The following EFCAB14 variants were observed in gnomAD, a reference collection of about 807,000 sequenced individuals.
EFCAB14 encodes the protein EF-hand calcium-binding domain-containing protein 14.
In EFCAB14, 43 loss-of-function variants were observed where a neutral mutation model predicts 56.5. That is an observed-to-expected ratio of 0.76 (90% CI 0.60 to 0.98). The LOEUF is 0.98. Ranked by LOEUF, EFCAB14 falls within the 50% of genes least tolerant of loss-of-function variation. The pLI is 0.00. For synonymous variants in EFCAB14, 235 were observed against 212.9 expected (o/e 1.10, Z -0.90); for missense variants, 538 against 580.3 (o/e 0.93, Z 0.75).
At chr1:46,712,323 C>T (rs558704988) in intron 2 of EFCAB14, among the ~76,000 whole-genome samples, 125 of 152,268 alleles carry the variant, frequency 8.2e-4, no homozygotes, top group African/African-American at 2.9e-3. Flanking sequence ...TTACTCAAGT[C>T]TTTCATAGTG....
At chr1:46,708,494 C>A (rs1306312725) in intron 2 of EFCAB14, among the ~76,000 whole-genome samples, 1 of 152,178 alleles carries the variant, frequency 6.6e-6, no homozygotes, top group Admixed American at 6.5e-5. Context: ...TACTGACCAG[C>A]TCAATTAAGG....
intron 8 of EFCAB14, among the ~76,000 whole-genome samples, chr1:46,685,645 A>C (rs1293350130): frequency 6.6e-6 from 1 of 152,236 alleles, no homozygotes; most frequent in Non-Finnish European, 1.5e-5. Context: ...TAAAAACAAA[A>C]AAGGCCTGAA....
At chr1:46,688,324 C>T in intron 7 of EFCAB14, 29 bp downstream of exon 7, 1 of 1,603,348 alleles carries the variant, frequency 6.2e-7, no homozygotes, top group Non-Finnish European at 8.5e-7. Context: ...AAACACACTG[C>T]ATGTCACAAA....
chr1:46,693,365 A>G (rs1677028814), intron 4 of EFCAB14, among the ~76,000 whole-genome samples: 1 of 152,224 alleles, frequency 6.6e-6, no homozygotes, highest in African/African-American at 2.4e-5. Context: ...AGAGAACACG[A>G]GATGACACTA....
chr1:46,697,881 T>G (rs939934573), intron 3 of EFCAB14, among the ~76,000 whole-genome samples: 6 of 149,968 alleles, frequency 4.0e-5, no homozygotes, highest in African/African-American at 1.2e-4. Context: ...TGAGACAGTC[T>G]TGCTCTGTTG....
intron 3 of EFCAB14, among the ~76,000 whole-genome samples, chr1:46,697,121 A>T (rs1677086859): frequency 6.6e-6 from 1 of 152,234 alleles, no homozygotes; most frequent in Admixed American, 6.5e-5. Context: ...CACAAAATAC[A>T]GTCTACAGGA....
At position 46,718,324 on chromosome 1, in the gene EFCAB14, C is replaced by G; in HGVS notation, c.-237G>C. 1 of 480,218 alleles carries G rather than the reference C, an allele frequency of 2.1e-6. No individual in the cohort carries two copies. The highest frequency in any genetic ancestry group is 3.3e-5 in the Admixed American group (1 of 30,398). 29.7% of individuals were successfully genotyped at this position (480,218 alleles called of 1,614,324 possible). A position where few individuals can be genotyped will look rare whatever the true frequency, so the allele number is the denominator to read the frequency against. On this transcript the variant is annotated 5_prime_UTR_variant, in exon 1 of 11. Transcript: ENST00000371933. ...AAATCACATAGAAATGGCCAAGGAG[C>G]TGGTGACCCCAAAGGATAAGGCCTT... is the stretch of plus-strand genomic sequence containing the variant.
chr1:46,717,384 C>T (rs1677412719), intron 1 of EFCAB14, among the ~76,000 whole-genome samples: 2 of 152,166 alleles, frequency 1.3e-5, no homozygotes. Context: ...GGTCTCTCCA[C>T]CTATGAATGG....
chr1:46,716,051 C>G (rs192009442), intron 2 of EFCAB14, among the ~76,000 whole-genome samples: 1 of 151,678 alleles, frequency 6.6e-6, no homozygotes, highest in Non-Finnish European at 1.5e-5. Context: ...AGTTTGAGAC[C>G]AGCCTGGCCA....
At chr1:46,702,616 T>C (rs1677175447) in intron 3 of EFCAB14, among the ~76,000 whole-genome samples, 2 of 152,222 alleles carry the variant, frequency 1.3e-5, no homozygotes, top group Admixed American at 1.3e-4. Flanking sequence ...ACATGTGCAG[T>C]GCACCTAATA....
chr1:46,698,560 CTG>C (rs990314053), intron 3 of EFCAB14, among the ~76,000 whole-genome samples: 8 of 152,142 alleles, frequency 5.3e-5, no homozygotes, highest in Non-Finnish European at 1.2e-4. Context: ...AAAATTTAAA[CTG>C]AGATCTGAAT....
At chr1:46,712,693 A>T (rs1268539404) in intron 2 of EFCAB14, among the ~76,000 whole-genome samples, 1 of 152,112 alleles carries the variant, frequency 6.6e-6, no homozygotes, top group East Asian at 1.9e-4. Flanking sequence ...TTGAAAAACA[A>T]GAAAAAAAAA....
intron 2 of EFCAB14, among the ~76,000 whole-genome samples, chr1:46,715,779 T>G (rs1010785750): frequency 2.6e-5 from 4 of 152,114 alleles, no homozygotes; most frequent in African/African-American, 9.7e-5. Context: ...CACTGCCTTT[T>G]ATTTGTGAGT....
At chr1:46,704,672 C>A (rs1677210290) in intron 3 of EFCAB14, among the ~76,000 whole-genome samples, 1 of 152,002 alleles carries the variant, frequency 6.6e-6, no homozygotes, top group Admixed American at 6.6e-5. Flanking sequence ...GTTATAGCAG[C>A]CCGAATGGAT....
At position 46,708,045 on chromosome 1, in the gene EFCAB14, G is replaced by A; in HGVS notation, c.341C>T (p.Ser114Phe). ...ALKEKFRTME[S>F]NQKSSFQEIP... ...TTCTTGGAATGAGCTTTTCTGATTA[G>A]ATTCCACTAAAAAGACAAAATAAGA... Residue 114 changes from serine to phenylalanine, a missense_variant, in exon 3 of 11, where the codon TCT (serine) becomes TTT (phenylalanine). Ser to Phe is a radical substitution (Grantham distance 155). Transcript: ENST00000371933. 6.2e-7 allele frequency: 1 copy of A among 1,610,606 alleles called. No homozygotes were observed. Among genetic ancestry groups the A allele is most frequent in the Admixed American group, 1.7e-5 (1 of 59,774 alleles).
rs752596012 is a variant in EFCAB14 at position 46,708,024 on chromosome 1, T to C, written c.362A>G (p.Gln121Arg). ...TTCTTCATTAAGTTTGGGGATTTCT[T>C]GGAATGAGCTTTTCTGATTAGATTC... ...TMESNQKSSFQEIPKLNEELL... is the reference protein window; with the variant it reads ...TMESNQKSSFREIPKLNEELL... The change falls in exon 3 of 11, where the codon CAA becomes CGA. Residue 121 changes from glutamine to arginine, a missense_variant. Physicochemically the swap from Gln to Arg is conservative, Grantham distance 43. Transcript: ENST00000371933. The C allele has an allele frequency of 1.9e-6, 3 of 1,612,432 alleles. No individual in the cohort carries two copies. Among genetic ancestry groups the C allele is most frequent in the Non-Finnish European group, 2.5e-6 (3 of 1,179,646 alleles).
chr1:46,678,705 C>A, intron 10 of EFCAB14, 69 bp from the exon 11 acceptor site: 3 of 1,375,928 alleles, frequency 2.2e-6, no homozygotes, highest in Non-Finnish European at 2.9e-6. Context: ...AAAGTAGTCT[C>A]AACTGAATTT....
intron 9 of EFCAB14, among the ~76,000 whole-genome samples, 174 bp from the exon 10 acceptor site, chr1:46,683,599 G>A (rs975031715): frequency 9.9e-5 from 15 of 152,212 alleles, no homozygotes; most frequent in African/African-American, 3.6e-4. Context: ...AGACATATTT[G>A]TGGGCAAGGG....
In EFCAB14 at chr1:46,696,715, C is replaced by T; in HGVS notation, c.481-66G>A. 3.4e-6 allele frequency: 5 copies of T among 1,457,350 alleles called. No homozygotes were observed. In the South Asian group the frequency reaches 4.6e-5, roughly 13 times the overall value. 90.3% of individuals were successfully genotyped at this position (1,457,350 alleles called of 1,614,324 possible). Reference sequence around the variant, plus strand: ...ATTTGTAGAGGACACGTTACCTTCACAAACTCTACGGTTGGTGATGTCAAG... The same window carrying T: ...ATTTGTAGAGGACACGTTACCTTCATAAACTCTACGGTTGGTGATGTCAAG... On this transcript the variant is annotated intron_variant, in intron 3 of 10. Transcript: ENST00000371933.
Sources: allele counts gnomAD v4.1 joint callset (sites outside exome capture counted in the v4.1 genomes callset), GRCh38; gene constraint gnomAD v4.1.1; transcripts MANE v1.5; gene names NCBI Gene and HGNC (gene_info 2026-07-23, HGNC 2026-07-21).